RSPH14: variants seen among roughly 807,000 people sequenced by gnomAD.
The protein encoded by RSPH14 is radial spoke head 14 homolog, also known as rhabdoid tumor deletion region gene 1.
A neutral mutation model predicts 26.7 loss-of-function variants in RSPH14; 20 were observed. The observed-to-expected ratio is 0.75, with a 90% CI of 0.53 to 1.09. RSPH14 has a LOEUF of 1.09. Ranked by LOEUF, RSPH14 falls within the 50% of genes least tolerant of loss-of-function variation. The pLI, the probability that RSPH14 is intolerant of heterozygous loss-of-function variation, is 0.00. For missense variants in RSPH14, 449 were observed against 457.2 expected, an observed-to-expected ratio of 0.98 and a Z score of 0.16; for synonymous variants, 177 against 189.3, an observed-to-expected ratio of 0.93 and a Z score of 0.53.
intron 4 of RSPH14, chr22:23,131,659 T>C (rs1484967276): frequency 3.1e-6 from 4 of 1,303,802 alleles, no homozygotes; most frequent in South Asian, 1.2e-5. Context: ...GACTAGACCC[T>C]CGCTTATTCC....
chr22:23,179,855 G>C, the RSPH14 span: 1 of 216,760 alleles, frequency 4.6e-6, no homozygotes, highest in African/African-American at 2.3e-5. Flanking sequence ...CTGCTGGGTG[G>C]TCCCTAGTGT....
chr22:23,114,991 G>A (rs1423786785), intron 4 of RSPH14, among the ~76,000 whole-genome samples: 3 of 152,310 alleles, frequency 2.0e-5, no homozygotes, highest in East Asian at 3.9e-4. Context: ...TGTGTCCCAG[G>A]GATGATGCTG....
At chr22:23,089,143 C>T (rs1428699383) in intron 4 of RSPH14, among the ~76,000 whole-genome samples, 1 of 152,164 alleles carries the variant, frequency 6.6e-6, no homozygotes, top group Admixed American at 6.5e-5. Flanking sequence ...GCTGGACTGC[C>T]GTCTCTGAGG....
chr22:23,081,975 A>G (rs986590117), intron 4 of RSPH14, among the ~76,000 whole-genome samples: 6 of 151,022 alleles, frequency 4.0e-5, no homozygotes, highest in African/African-American at 9.7e-5. Context: ...AATACAAAAA[A>G]TTAGCTGGGT....
At chr22:23,081,038 A>G (rs1222895172) in intron 4 of RSPH14, among the ~76,000 whole-genome samples, 1 of 152,204 alleles carries the variant, frequency 6.6e-6, no homozygotes, top group East Asian at 1.9e-4. Context: ...TTGTAATCAC[A>G]GCCTGGAATA....
chr22:23,111,402 GAA>G, intron 4 of RSPH14, among the ~76,000 whole-genome samples: 1 of 152,326 alleles, frequency 6.6e-6, no homozygotes, highest in Admixed American at 6.5e-5. Context: ...AAGAGGCCCA[GAA>G]AAGTCTCAAG....
At chr22:23,095,749 A>C in intron 4 of RSPH14, 2 of 1,612,650 alleles carry the variant, frequency 1.2e-6, no homozygotes, top group Non-Finnish European at 8.5e-7. Context: ...GGTCCCGGAG[A>C]ATTGACCGCC....
the RSPH14 span, chr22:23,152,635 A>G: frequency 1.8e-6 from 2 of 1,100,912 alleles, no homozygotes; most frequent in South Asian, 1.3e-5. Flanking sequence ...TGTGGCTTCC[A>G]GGAACTGCTG....
intron 4 of RSPH14, among the ~76,000 whole-genome samples, chr22:23,081,553 G>A (rs2068678365): frequency 6.6e-6 from 1 of 151,512 alleles, no homozygotes; most frequent in Non-Finnish European, 1.5e-5. Context: ...AGGCCAATCA[G>A]GTTCATGCCT....
chr22:23,162,365 G>A, the RSPH14 span: 6 of 336,834 alleles, frequency 1.8e-5, no homozygotes, highest in Non-Finnish European at 3.5e-5. Context: ...GCTGTCCTAG[G>A]GTAACTCACT....
chr22:23,142,656 T>C (rs751304219), upstream of RSPH14, among the ~76,000 whole-genome samples: 8 of 152,208 alleles, frequency 5.3e-5, no homozygotes, highest in African/African-American at 1.4e-4. Flanking sequence ...CCAAATTACA[T>C]AGGCCTGATC....
intron 6 of RSPH14, among the ~76,000 whole-genome samples, chr22:23,061,241 T>C (rs1050417924): frequency 6.6e-6 from 1 of 152,090 alleles, no homozygotes; most frequent in Non-Finnish European, 1.5e-5. Context: ...TCAGGGGTCC[T>C]GGGAGTGCCA....
intron 4 of RSPH14, among the ~76,000 whole-genome samples, chr22:23,089,402 G>A (rs2068901538): frequency 6.6e-6 from 1 of 152,178 alleles, no homozygotes; most frequent in African/African-American, 2.4e-5. Flanking sequence ...GTCCTGGCGA[G>A]CTCAGGCTAT....
intron 4 of RSPH14, among the ~76,000 whole-genome samples, chr22:23,114,398 C>G (rs1472790484): frequency 6.6e-6 from 1 of 152,206 alleles, no homozygotes; most frequent in African/African-American, 2.4e-5. Context: ...CCCGGCCCCA[C>G]CCTTCCCAGC....
At chr22:23,091,020 G>A (rs2068956171) in intron 4 of RSPH14, among the ~76,000 whole-genome samples, 1 of 152,160 alleles carries the variant, frequency 6.6e-6, no homozygotes, top group South Asian at 2.1e-4. Context: ...ACCACAGCTG[G>A]TTCCTCCTCT....
the RSPH14 span, among the ~76,000 whole-genome samples, chr22:23,150,855 G>A: frequency 1.3e-5 from 2 of 152,102 alleles, no homozygotes; most frequent in Non-Finnish European, 2.9e-5. Flanking sequence ...TACCCCTCCT[G>A]GGTGCTCTTG....
intron 4 of RSPH14, among the ~76,000 whole-genome samples, chr22:23,121,251 A>C (rs6003516): frequency 1.1e-3 from 173 of 152,350 alleles, no homozygotes; most frequent in African/African-American, 3.9e-3. Flanking sequence ...CTAAAGAAAG[A>C]GCAAGATTGG....
intron 4 of RSPH14, among the ~76,000 whole-genome samples, chr22:23,111,552 A>G (rs1231070618): frequency 6.6e-6 from 1 of 152,256 alleles, no homozygotes; most frequent in Non-Finnish European, 1.5e-5. Context: ...CAGAGACACC[A>G]AAGCACTCCA....
At chr22:23,162,947 T>C in the RSPH14 span, 8 of 344,426 alleles carry the variant, frequency 2.3e-5, no homozygotes, top group South Asian at 1.8e-4. Flanking sequence ...GTTTCACCCT[T>C]GTTGCCCAGG....
Sources: gnomAD v4.1 joint callset for allele counts (sites outside exome capture counted in the v4.1 genomes callset) on GRCh38, gnomAD v4.1.1 for gene constraint, MANE v1.5 for transcripts, NCBI Gene and HGNC (gene_info 2026-07-23, HGNC 2026-07-21) for gene names.